SLC25A16: variants seen among roughly 807,000 people sequenced by gnomAD.
SLC25A16 encodes the protein solute carrier family 25 member 16.
SLC25A16 carries 39 observed loss-of-function variants against 41.5 expected under a neutral mutation model. The ratio of observed to expected loss-of-function variants is 0.94; its 90% confidence interval spans 0.73 to 1.23. The LOEUF (loss-of-function observed/expected upper bound fraction) is 1.23. Ranked by LOEUF, SLC25A16 falls within the 50% of genes most tolerant of loss-of-function variation. The probability of loss-of-function intolerance (pLI) is 0.00; values close to 1 mark genes in which losing one functional copy is unlikely to be tolerated. For missense variants in SLC25A16, 421 were observed against 426.9 expected, an observed-to-expected ratio of 0.99 and a Z score of 0.12; for synonymous variants, 146 against 147.8, an observed-to-expected ratio of 0.99 and a Z score of 0.09.
chr10:68,490,344 C>CTTT (rs759118592), intron 6 of SLC25A16, among the ~76,000 whole-genome samples: 2 of 139,824 alleles, frequency 1.4e-5, no homozygotes, highest in Non-Finnish European at 3.1e-5. Flanking sequence ...AAAGAAGAGA[C>CTTT]TTTTTTTTTT....
intron 8 of SLC25A16, 52 bp from the exon 9 acceptor site, chr10:68,483,640 A>G: frequency 7.0e-7 from 1 of 1,437,230 alleles, no homozygotes; most frequent in Non-Finnish European, 9.2e-7. Context: ...TGAAGAAACA[A>G]TTTCAGGATC....
intron 2 of SLC25A16, among the ~76,000 whole-genome samples, chr10:68,514,650 A>T (rs1160294557): frequency 6.6e-6 from 1 of 152,176 alleles, no homozygotes; most frequent in African/African-American, 2.4e-5. Context: ...AATGCCCTCC[A>T]AAGACTAAAC....
chr10:68,506,555 G>C (rs571344695), intron 3 of SLC25A16, 30 bp downstream of exon 3: 5 of 1,501,692 alleles, frequency 3.3e-6, no homozygotes, highest in Non-Finnish European at 4.5e-6. Flanking sequence ...ATTCAAGAAC[G>C]CAAAAGAGAA....
chr10:68,491,376 C>T (rs555170614), intron 6 of SLC25A16, among the ~76,000 whole-genome samples: 6 of 152,118 alleles, frequency 3.9e-5, no homozygotes, highest in South Asian at 2.1e-4. Context: ...CAGGCATGTG[C>T]GACCACGCCC....
At chr10:68,525,951 C>T (rs1243180310) in intron 1 of SLC25A16, among the ~76,000 whole-genome samples, 1 of 151,848 alleles carries the variant, frequency 6.6e-6, no homozygotes, top group Admixed American at 6.6e-5. Flanking sequence ...TACCCAGGGA[C>T]ACAAAAACTG....
chr10:68,523,725 T>G (rs1306918632), intron 1 of SLC25A16, among the ~76,000 whole-genome samples: 1 of 152,122 alleles, frequency 6.6e-6, no homozygotes, highest in African/African-American at 2.4e-5. Context: ...TCTGCCCACC[T>G]GAGCCTCCTG....
intron 2 of SLC25A16, among the ~76,000 whole-genome samples, chr10:68,516,217 G>A (rs2053159126): frequency 6.6e-6 from 1 of 152,138 alleles, no homozygotes; most frequent in Non-Finnish European, 1.5e-5. Context: ...CCGAACAAAG[G>A]AGACAGGGTC....
At chr10:68,504,433 GTTTT>G (rs1228335776) in intron 3 of SLC25A16, among the ~76,000 whole-genome samples, 1 of 135,748 alleles carries the variant, frequency 7.4e-6, no homozygotes, top group Non-Finnish European at 1.5e-5. Flanking sequence ...TGCTGCTTGT[GTTTT>G]TTTTGTTTTT....
rs929514965 is a variant in SLC25A16, at chr10:68,478,411, G to C, written c.*5021C>G. On this transcript the variant is annotated 3_prime_UTR_variant, in exon 9 of 9. Transcript: ENST00000609923. ...GAATAGATGCGAGGAACTATGTAAA[G>C]TGTATGCTTGCTATACAAGTGTGTC... 1 of 152,184 alleles carries C rather than the reference G, an allele frequency of 6.6e-6. No homozygotes were observed. The highest frequency in any genetic ancestry group is 1.9e-4 in the East Asian group (1 of 5,198). The allele number at this position is 152,184 out of a possible 1,614,324, so 9.4% of individuals were successfully genotyped here. A position where few individuals can be genotyped will look rare whatever the true frequency, so the allele number is the denominator to read the frequency against.
intron 2 of SLC25A16, among the ~76,000 whole-genome samples, chr10:68,514,018 C>T (rs545111709): frequency 3.9e-4 from 60 of 152,258 alleles, no homozygotes; most frequent in African/African-American, 1.3e-3. Context: ...TGGCAAAACC[C>T]TGTCTCTCTA....
At position 68,527,349 on chromosome 10, in the gene SLC25A16, GGCTGCC is replaced by G. The variant is rs1421993652; in HGVS notation, c.21_26del (p.Ala8_Ala9del). ...CGGGAGGGGGATCGGCCGCCGCCAG[GGCTGCC>G]GCGGCCGTCGCCGCCGCCATCAGGA... On this transcript the variant is annotated inframe_deletion, in exon 1 of 9. Coordinates refer to ENST00000609923, the MANE Select transcript of SLC25A16 (RefSeq NM_152707.4). 2 of 1,512,902 alleles carry G rather than the reference GGCTGCC, an allele frequency of 1.3e-6. No homozygotes were observed. The highest frequency in any genetic ancestry group is 1.8e-6 in the Non-Finnish European group (2 of 1,134,932). 93.7% of individuals were successfully genotyped at this position (1,512,902 alleles called of 1,614,324 possible). A position where few individuals can be genotyped will look rare whatever the true frequency, so the allele number is the denominator to read the frequency against.
intron 4 of SLC25A16, among the ~76,000 whole-genome samples, chr10:68,497,605 CTT>C (rs5785865): frequency 1.4e-5 from 2 of 138,468 alleles, no homozygotes; most frequent in Admixed American, 7.4e-5. Flanking sequence ...CTTCTAACAT[CTT>C]TTTTTTTTTT....
chr10:68,485,141 G>A (rs2052537352), intron 8 of SLC25A16, among the ~76,000 whole-genome samples: 1 of 152,192 alleles, frequency 6.6e-6, no homozygotes. Context: ...CCAGGCTGGA[G>A]TGCAGTAGCA....
In SLC25A16 at chr10:68,483,427, T is replaced by A. The variant is rs748886574; in HGVS notation, c.*5A>T. ...GTATTAAGAAAAACCAACCATAATTTTTTTTTAGTTGAGGTGAAAAAACTG... is the reference window on the plus strand; with the variant it reads ...GTATTAAGAAAAACCAACCATAATTATTTTTTAGTTGAGGTGAAAAAACTG... On this transcript the variant is annotated 3_prime_UTR_variant, in exon 9 of 9. Transcript: ENST00000609923. 1 of 1,562,358 alleles carries A rather than the reference T, an allele frequency of 6.4e-7. No individual in the cohort carries two copies. The highest frequency in any genetic ancestry group is 2.3e-5 in the East Asian group (1 of 44,242).
chr10:68,500,925 C>T (rs1424469766), intron 4 of SLC25A16, among the ~76,000 whole-genome samples: 2 of 150,844 alleles, frequency 1.3e-5, no homozygotes, highest in South Asian at 2.1e-4. Flanking sequence ...AGGGAGACTC[C>T]GTCTCAAAAA....
In SLC25A16 at chr10:68,483,406, T is replaced by G; in HGVS notation, c.*26A>C. On this transcript the variant is annotated 3_prime_UTR_variant, in exon 9 of 9. Coordinates refer to ENST00000609923, the MANE Select transcript of SLC25A16 (RefSeq NM_152707.4). ...TTCATTTCTCCCTCTGAGAATGTAT[T>G]AAGAAAAACCAACCATAATTTTTTT... is the stretch of plus-strand genomic sequence containing the variant. The G allele has an allele frequency of 6.8e-7, 1 of 1,471,998 alleles. No individual in the cohort carries two copies. The highest frequency in any genetic ancestry group is 9.3e-7 in the Non-Finnish European group (1 of 1,077,924). The allele number at this position is 1,471,998 out of a possible 1,614,324, so 91.2% of individuals were successfully genotyped here. A position where few individuals can be genotyped will look rare whatever the true frequency, so the allele number is the denominator to read the frequency against.
chr10:68,514,759 C>T (rs555587759), intron 2 of SLC25A16, among the ~76,000 whole-genome samples: 4 of 151,164 alleles, frequency 2.6e-5, no homozygotes, highest in East Asian at 3.9e-4. Context: ...TTTTTTCAGA[C>T]GAAGTCTCGC....
Position 68,527,396 on chromosome 10 carries a change from G to A in SLC25A16, c.-21C>T. 6.9e-7 allele frequency: 1 copy of A among 1,457,712 alleles called. No individual in the cohort carries two copies. Among genetic ancestry groups the A allele is most frequent in the Non-Finnish European group, 9.0e-7 (1 of 1,114,522 alleles). 90.3% of individuals were successfully genotyped at this position (1,457,712 alleles called of 1,614,324 possible). ...GCCATCAGGACCAGGGTCGCGTCAG[G>A]AGCCTAGGTTGCCAACTTACAGAAC... On this transcript the variant is annotated 5_prime_UTR_variant, in exon 1 of 9. Transcript: ENST00000609923.
intron 3 of SLC25A16, 97 bp downstream of exon 3, chr10:68,506,488 G>T: frequency 1.1e-5 from 9 of 787,598 alleles, no homozygotes; most frequent in East Asian, 3.4e-5. Flanking sequence ...TTAAAAATAT[G>T]AAACTTTTAC....
Sources: allele counts gnomAD v4.1 joint callset (sites outside exome capture counted in the v4.1 genomes callset), GRCh38; gene constraint gnomAD v4.1.1; transcripts MANE v1.5; gene names NCBI Gene and HGNC (gene_info 2026-07-23, HGNC 2026-07-21).